The following ANO3 variants were observed in gnomAD, a reference collection of about 807,000 sequenced individuals.
The protein encoded by ANO3 is anoctamin-3.
ANO3 carries 99 observed loss-of-function variants against 144.8 expected under a neutral mutation model. The ratio of observed to expected loss-of-function variants is 0.68; its 90% confidence interval spans 0.58 to 0.81. The LOEUF (loss-of-function observed/expected upper bound fraction) is 0.81. Among genes scored for constraint, ANO3 ranks in the 30% least tolerant of loss-of-function variants. The pLI is 0.00. For missense variants in ANO3, 905 were observed against 1,202.2 expected (o/e 0.75, Z 3.66); for synonymous variants, 414 against 392.6 (o/e 1.05, Z -0.64).
At chr11:26,650,260 A>C (rs1430587347) in intron 24 of ANO3, among the ~76,000 whole-genome samples, 1 of 152,166 alleles carries the variant, frequency 6.6e-6, no homozygotes, top group Non-Finnish European at 1.5e-5. Flanking sequence ...GGAGGGGAGG[A>C]TATTGGCAAA....
chr11:26,463,671 T>C (rs1276818142), intron 4 of ANO3, among the ~76,000 whole-genome samples: 1 of 151,864 alleles, frequency 6.6e-6, no homozygotes. Flanking sequence ...AAATTATAGT[T>C]CACCAATACA....
chr11:26,224,806 T>G (rs578087834), intron 1 of ANO3, among the ~76,000 whole-genome samples: 1 of 152,272 alleles, frequency 6.6e-6, no homozygotes, highest in East Asian at 1.9e-4. Flanking sequence ...GCTTCAGCAA[T>G]GTATGCTGGG....
At chr11:26,542,375 A>G (rs531865938) in intron 11 of ANO3, among the ~76,000 whole-genome samples, 2 of 152,144 alleles carry the variant, frequency 1.3e-5, no homozygotes, top group African/African-American at 4.8e-5. Context: ...CTTATGTACC[A>G]TTGCTAGGGC....
intron 1 of ANO3, among the ~76,000 whole-genome samples, chr11:26,321,922 C>T (rs958383094): frequency 6.6e-6 from 1 of 151,970 alleles, no homozygotes; most frequent in Non-Finnish European, 1.5e-5. Context: ...GCTATACTTT[C>T]AGTGTTTATT....
intron 24 of ANO3, 84 bp from the exon 25 acceptor site, chr11:26,656,041 G>A (rs1257304781): frequency 1.4e-5 from 15 of 1,106,182 alleles, no homozygotes; most frequent in Non-Finnish European, 1.6e-5. Flanking sequence ...TAATACATTT[G>A]TAAAATCCTG....
chr11:26,529,156 T>TA (rs1491149953), intron 7 of ANO3, among the ~76,000 whole-genome samples: 2 of 3,402 alleles, frequency 5.9e-4, no homozygotes, highest in African/African-American at 1.3e-3. Flanking sequence ...ATAATATATA[T>TA]TATATATAAT....
intron 26 of ANO3, among the ~76,000 whole-genome samples, chr11:26,657,864 T>G (rs901559895): frequency 3.3e-5 from 5 of 152,218 alleles, no homozygotes; most frequent in Admixed American, 1.3e-4. Context: ...TCAAATGTAT[T>G]AATCCTTTGT....
intron 3 of ANO3, among the ~76,000 whole-genome samples, chr11:26,449,046 A>G (rs1320493293): frequency 6.6e-6 from 1 of 152,134 alleles, no homozygotes; most frequent in African/African-American, 2.4e-5. Flanking sequence ...TACATTTAAA[A>G]CACAAACTCA....
At chr11:26,407,483 G>A (rs1857319820) in intron 1 of ANO3, among the ~76,000 whole-genome samples, 1 of 151,636 alleles carries the variant, frequency 6.6e-6, no homozygotes, top group Non-Finnish European at 1.5e-5. Context: ...CATGGCTTGT[G>A]AATTCTAACT....
intron 4 of ANO3, among the ~76,000 whole-genome samples, chr11:26,478,257 G>C (rs1043311292): frequency 6.6e-6 from 1 of 152,086 alleles, no homozygotes; most frequent in African/African-American, 2.4e-5. Flanking sequence ...AAAAAGTTTG[G>C]AGAGCCCCAG....
Position 26,531,234 on chromosome 11 carries a change from A to G in ANO3, c.767A>G (p.Asn256Ser). The G allele has an allele frequency of 6.2e-7, 1 of 1,614,054 alleles. No individual in the cohort carries two copies. Among genetic ancestry groups the G allele is most frequent in the Non-Finnish European group, 8.5e-7 (1 of 1,179,984 alleles). Residue 256 changes from asparagine to serine, a missense_variant, in exon 8 of 27, where the codon AAC (asparagine) becomes AGC (serine). Physicochemically the swap from Asn to Ser is conservative, Grantham distance 46 (BLOSUM62 1). Around this residue, in one of 4 missense-constraint regions of ANO3, gnomAD observed 71 missense variants for 57.9 expected, o/e 1.23. Transcript: ENST00000256737. ...CAAACTTATTTTAGAAGAATCAAAA[A>G]CTGGATGGCCCAAAACCCAATGGTT... is the stretch of plus-strand genomic sequence containing the variant. ...RMQTYFRRIK[N>S]WMAQNPMVLD... is the part of the protein sequence containing the mutation.
At chr11:26,237,433 A>G (rs1852557937) in intron 1 of ANO3, among the ~76,000 whole-genome samples, 1 of 151,878 alleles carries the variant, frequency 6.6e-6, no homozygotes, top group Non-Finnish European at 1.5e-5. Flanking sequence ...TTTTAATTGC[A>G]CTTACTTTTT....
chr11:26,630,351 A>C (rs1028636543), intron 18 of ANO3, among the ~76,000 whole-genome samples: 1 of 152,232 alleles, frequency 6.6e-6, no homozygotes, highest in African/African-American at 2.4e-5. Flanking sequence ...AGTACTTTAC[A>C]TCTTCAGTTT....
At chr11:26,326,482 A>G (rs1167340738) in intron 1 of ANO3, among the ~76,000 whole-genome samples, 2 of 152,172 alleles carry the variant, frequency 1.3e-5, no homozygotes, top group African/African-American at 4.8e-5. Context: ...GCTTTTATCA[A>G]CGAATAATGT....
rs769240100 is a variant in ANO3 at position 26,598,844 on chromosome 11, C to T, written c.1531-14C>T. ...ATGGCTTTGATATTTAGATAACTTT[C>T]GTTTCTCTCATAGGAAACACTTCGT... On this transcript the variant is annotated splice_polypyrimidine_tract_variant and intron_variant, in intron 15 of 26. Transcript: ENST00000256737. 5.0e-5 allele frequency: 80 copies of T among 1,605,626 alleles called. No homozygotes were observed. Among genetic ancestry groups the T allele is most frequent in the Non-Finnish European group, 6.7e-5 (79 of 1,176,838 alleles).
intron 1 of ANO3, among the ~76,000 whole-genome samples, chr11:26,422,202 G>A (rs1857771993): frequency 1.3e-5 from 2 of 151,974 alleles, no homozygotes; most frequent in Non-Finnish European, 1.5e-5. Flanking sequence ...ACTAAGAGGG[G>A]ACATCTTTTG....
intron 2 of ANO3, among the ~76,000 whole-genome samples, chr11:26,442,802 T>A (rs1048567673): frequency 6.6e-6 from 1 of 152,196 alleles, no homozygotes; most frequent in Non-Finnish European, 1.5e-5. Context: ...AGTCTTGCTC[T>A]GTCGCCCAGG....
intron 14 of ANO3, among the ~76,000 whole-genome samples, chr11:26,572,651 C>T (rs1257420585): frequency 6.6e-6 from 1 of 152,020 alleles, no homozygotes. Context: ...AGTAGTGAGG[C>T]GTCTATTCTG....
intron 1 of ANO3, among the ~76,000 whole-genome samples, chr11:26,377,402 T>C (rs1027473513): frequency 2.0e-5 from 3 of 152,076 alleles, no homozygotes; most frequent in Admixed American, 1.3e-4. Flanking sequence ...AGCATATTCA[T>C]ATATAATAAT....
Sources: gnomAD v4.1 joint callset for allele counts (sites outside exome capture counted in the v4.1 genomes callset) on GRCh38, gnomAD v4.1.1 for gene constraint, gnomAD v4.1.1 regional missense constraint, MANE v1.5 for transcripts, NCBI Gene and HGNC (gene_info 2026-07-23, HGNC 2026-07-21) for gene names.